Variants in SLC26A1 observed in about 807,000 individuals in gnomAD.
SLC26A1 encodes the protein sulfate anion transporter 1.
In SLC26A1, 18 loss-of-function variants were observed where a neutral mutation model predicts 14.5. That is an observed-to-expected ratio of 1.24 (90% CI 0.86 to 1.84). SLC26A1 has a LOEUF of 1.84. SLC26A1 is among the 40% of genes most tolerant of loss of function. The pLI is 0.00. For missense variants in SLC26A1, 1,049 were observed against 1,020.0 expected (o/e 1.03, Z -0.39); for synonymous variants, 505 against 492.0 (o/e 1.03, Z -0.35).
In SLC26A1 at chr4:990,367, G is replaced by A; in HGVS notation, c.577-5C>T. 1 of 1,589,508 alleles carries A rather than the reference G, an allele frequency of 6.3e-7. No homozygotes were observed. The highest frequency in any genetic ancestry group is 1.8e-5 in the Admixed American group (1 of 56,518). ...CCGGAGGACGCCCATGAGGACCTGT[G>A]GACGGAGTGCGGTCAGGCCAGCAGG... is the stretch of plus-strand genomic sequence containing the variant. On this transcript the variant is annotated splice_region_variant and splice_polypyrimidine_tract_variant and intron_variant, in intron 2 of 2. Transcript: ENST00000398516.
chr4:991,849 G>A, intron 1 of SLC26A1, 119 bp from the exon 2 acceptor site: 5 of 1,523,912 alleles, frequency 3.3e-6, no homozygotes, highest in Non-Finnish European at 4.4e-6. Context: ...GCCGGGGATT[G>A]GTGCTGGGCC....
chr4:990,387 A>C, intron 2 of SLC26A1, 25 bp from the exon 3 acceptor site: 1 of 1,557,806 alleles, frequency 6.4e-7, no homozygotes, highest in Non-Finnish European at 8.7e-7. Context: ...CGGTCAGGCC[A>C]GCAGGCGCCT....
chr4:980,413 C>T (rs532341357), intron 2 of SLC26A1, among the ~76,000 whole-genome samples: 1 of 152,246 alleles, frequency 6.6e-6, no homozygotes, highest in South Asian at 2.1e-4. Flanking sequence ...TGGTGAAACC[C>T]TCTCTCCACT....
At position 989,695 on chromosome 4, in the gene SLC26A1, G is replaced by T. The variant is rs200470975; in HGVS notation, c.1244C>A (p.Ser415Tyr). 4.7e-5 allele frequency: 73 copies of T among 1,562,244 alleles called. No individual in the cohort carries two copies. Among genetic ancestry groups the T allele is most frequent in the Non-Finnish European group, 6.2e-5 (72 of 1,154,130 alleles). ...CACCACGGTGGCGCTGACCACGCTG[G>T]ACAGCTGTGTCCGGCAGCCAGTGGC... ...KTATGCRTQL[S>Y]SVVSATVVLL... The change falls in exon 3 of 3, where the codon TCC (serine) becomes TAC (tyrosine). Residue 415 changes from serine to tyrosine, a missense_variant. Transcript: ENST00000398516.
In SLC26A1 at chr4:990,181, A is replaced by G; in HGVS notation, c.758T>C (p.Leu253Pro). The change falls in exon 3 of 3, where the codon CTG becomes CCG. Residue 253 changes from leucine (L) to proline (P), a missense_variant. Physicochemically the swap from Leu to Pro is moderately conservative, Grantham distance 98. Coordinates refer to ENST00000398516, the MANE Select transcript of SLC26A1 (RefSeq NM_022042.4). ...GMVVLTWLSL[L>P]RGAGQANVCD... Reference sequence around the variant, plus strand: ...CACGTTGGCCTGCCCGGCGCCGCGCAGCAGGCTCAGCCATGTGAGGACCAC... The same window carrying G: ...CACGTTGGCCTGCCCGGCGCCGCGCGGCAGGCTCAGCCATGTGAGGACCAC... 2 of 1,560,218 alleles carry G rather than the reference A, an allele frequency of 1.3e-6. No individual in the cohort carries two copies. Among genetic ancestry groups the G allele is most frequent in the South Asian group, 1.2e-5 (1 of 84,886 alleles).
chr4:984,167 T>C (rs1713630289), downstream of SLC26A1, among the ~76,000 whole-genome samples: 1 of 152,258 alleles, frequency 6.6e-6, no homozygotes, highest in Non-Finnish European at 1.5e-5. Context: ...GTTATCAGCT[T>C]TACTGAGATA....
intron 1 of SLC26A1, chr4:992,737 G>A (rs980744501): frequency 1.9e-5 from 3 of 155,088 alleles, no homozygotes; most frequent in African/African-American, 7.2e-5. Flanking sequence ...CTTGATCTCG[G>A]AAAACACCGT....
At position 989,563 on chromosome 4, in the gene SLC26A1, T is replaced by A. The variant is rs1427562334; in HGVS notation, c.1376A>T (p.Asp459Val). The change falls in exon 3 of 3, where the codon GAC (aspartate) becomes GTC (valine). Residue 459 changes from aspartate (D) to valine (V), a missense_variant. Coordinates refer to ENST00000398516, the MANE Select transcript of SLC26A1 (RefSeq NM_022042.4). ...GCTCATCCGCCACAGCCGCGGGAGG[T>A]CCCACACCTTGCGCAGGGCCCCCCG... is the stretch of plus-strand genomic sequence containing the variant. ...SLRGALRKVW[D>V]LPRLWRMSPA... 10 of 1,586,156 alleles carry A rather than the reference T, an allele frequency of 6.3e-6. No homozygotes were observed. The highest frequency in any genetic ancestry group is 8.6e-6 in the Non-Finnish European group (10 of 1,168,158).
chr4:989,464 G>A lies in SLC26A1; in HGVS notation c.1475C>T (p.Ala492Val), dbSNP rs1714048129. ...MLVSTEAGLL[A>V]GVILSLLSLA... ...GCTGAGCAGCGAGAGGATGACGCCA[G>A]CCAGCAGCCCGGCCTCTGTGCTGAC... Residue 492 changes from alanine to valine, a missense_variant, in exon 3 of 3, where the codon GCT (alanine) becomes GTT (valine). By Grantham distance (64) the Ala-to-Val change is moderately conservative. Coordinates refer to ENST00000398516, the MANE Select transcript of SLC26A1 (RefSeq NM_022042.4). 2 of 1,554,072 alleles carry A rather than the reference G, an allele frequency of 1.3e-6. No homozygotes were observed. The highest frequency in any genetic ancestry group is 1.7e-6 in the Non-Finnish European group (2 of 1,149,184).
intron 1 of SLC26A1, chr4:992,333 C>G (rs1310091192): frequency 1.3e-5 from 5 of 399,504 alleles, no homozygotes; most frequent in Non-Finnish European, 2.6e-5. Context: ...ACCCACCCCT[C>G]TGTCACCTGC....
At chr4:979,612 T>A in intron 2 of SLC26A1, 2 of 1,403,088 alleles carry the variant, frequency 1.4e-6, no homozygotes, top group Non-Finnish European at 2.0e-6. Flanking sequence ...GCCTCTCCAG[T>A]GCCAGCCCAG....
At position 991,113 on chromosome 4, in the gene SLC26A1, A is replaced by C; in HGVS notation, c.576+15T>G. On this transcript the variant is annotated intron_variant, in intron 2 of 2. Transcript: ENST00000398516. ...TGCCCTGGGCCCCTCCCTGTGCCCA[A>C]GCAGGGCTCCTCACCTGGTAAAGCC... 1 of 1,524,114 alleles carries C rather than the reference A, an allele frequency of 6.6e-7. No individual in the cohort carries two copies. The highest frequency in any genetic ancestry group is 8.8e-7 in the Non-Finnish European group (1 of 1,135,354). 94.4% of individuals were successfully genotyped at this position (1,524,114 alleles called of 1,614,324 possible).
intron 2 of SLC26A1, 74 bp downstream of exon 2, chr4:991,054 T>A (rs1714257284): frequency 2.8e-6 from 4 of 1,415,670 alleles, no homozygotes; most frequent in Non-Finnish European, 3.8e-6. Context: ...GCCCCCAGCC[T>A]TGCCCTCGTG....
intron 1 of SLC26A1, chr4:992,205 C>A (rs1490059661): frequency 6.5e-6 from 3 of 459,020 alleles, no homozygotes; most frequent in African/African-American, 6.0e-5. Context: ...TCCAGCTGCT[C>A]CGTGTCCACC....
intron 2 of SLC26A1, among the ~76,000 whole-genome samples, chr4:982,242 G>A (rs1431476046): frequency 2.0e-5 from 3 of 152,184 alleles, no homozygotes; most frequent in Non-Finnish European, 4.4e-5. Flanking sequence ...TGGGTCACAG[G>A]ACCAGCACCC....
Position 988,781 on chromosome 4 carries a change from C to G in SLC26A1, c.*52G>C. The G allele has an allele frequency of 6.8e-7, 1 of 1,475,692 alleles. No individual in the cohort carries two copies. The highest frequency in any genetic ancestry group is 9.0e-7 in the Non-Finnish European group (1 of 1,112,424). The allele number at this position is 1,475,692 out of a possible 1,614,324, so 91.4% of individuals were successfully genotyped here. ...GGTCTCAGCAGTGGCTTGCAGACGT[C>G]TGCTGTGGGTCCCCAGGAGGGAGCA... On this transcript the variant is annotated 3_prime_UTR_variant, in exon 3 of 3. Coordinates refer to ENST00000398516, the MANE Select transcript of SLC26A1 (RefSeq NM_022042.4).
In SLC26A1 at chr4:988,009, G is replaced by T; in HGVS notation, c.*824C>A. The T allele has an allele frequency of 6.6e-7, 1 of 1,517,632 alleles. No homozygotes were observed. Among genetic ancestry groups the T allele is most frequent in the South Asian group, 1.2e-5 (1 of 81,156 alleles). The allele number at this position is 1,517,632 out of a possible 1,614,324, so 94.0% of individuals were successfully genotyped here. ...CCCTTACAGAGGCACAGATGGGAGG[G>T]GAGGGCTGGGGGCTGCTCGGAAGAC... On this transcript the variant is annotated 3_prime_UTR_variant, in exon 3 of 3. Coordinates refer to ENST00000398516, the MANE Select transcript of SLC26A1 (RefSeq NM_022042.4).
downstream of SLC26A1, among the ~76,000 whole-genome samples, chr4:982,859 C>T (rs1250690004): frequency 1.3e-5 from 2 of 152,204 alleles, 1 homozygote; most frequent in South Asian, 4.1e-4. Context: ...CTCCTGAGGC[C>T]GTTACAGCCT....
At position 988,068 on chromosome 4, in the gene SLC26A1, G is replaced by A. The variant is rs993885725; in HGVS notation, c.*765C>T. ...CCCCCACCTCCCGCCGAAGCACCCT[G>A]TTGGGGAGAGCGTGTCCTTGCTGGC... On this transcript the variant is annotated 3_prime_UTR_variant, in exon 3 of 3. Transcript: ENST00000398516. 6 of 1,465,234 alleles carry A rather than the reference G, an allele frequency of 4.1e-6. No homozygotes were observed. Among genetic ancestry groups the A allele is most frequent in the Non-Finnish European group, 5.4e-6 (6 of 1,106,716 alleles). 90.8% of individuals were successfully genotyped at this position (1,465,234 alleles called of 1,614,324 possible).
Sources: allele counts gnomAD v4.1 joint callset (sites outside exome capture counted in the v4.1 genomes callset), GRCh38; gene constraint gnomAD v4.1.1; transcripts MANE v1.5; gene names NCBI Gene and HGNC (gene_info 2026-07-23, HGNC 2026-07-21).